PAK4: variants seen among roughly 807,000 people sequenced by gnomAD.
PAK4 encodes serine/threonine-protein kinase PAK 4.
In PAK4, 49 loss-of-function variants were observed where a neutral mutation model predicts 53.5. That is an observed-to-expected ratio of 0.92 (90% CI 0.73 to 1.16). The LOEUF (loss-of-function observed/expected upper bound fraction) is 1.16. Ranked by LOEUF, PAK4 falls within the 50% of genes most tolerant of loss-of-function variation. The probability of loss-of-function intolerance (pLI) is 0.00; values close to 1 mark genes in which losing one functional copy is unlikely to be tolerated. For synonymous variants in PAK4, 376 were observed against 375.6 expected (o/e 1.00, Z -0.01); for missense variants, 824 against 850.7 (o/e 0.97, Z 0.39).
At chr19:39,169,833 A>G in intron 2 of PAK4, 76 bp downstream of exon 3, 1 of 994,074 alleles carries the variant, frequency 1.0e-6, no homozygotes, top group Non-Finnish European at 1.4e-6. Flanking sequence ...CCCACACTCG[A>G]CCCTGTGACC....
intron 1 of PAK4, among the ~76,000 whole-genome samples, chr19:39,141,888 A>G (rs1210837323): frequency 6.6e-6 from 1 of 152,136 alleles, no homozygotes; most frequent in Non-Finnish European, 1.5e-5. Flanking sequence ...CGGCCTCCCA[A>G]AATGTTGGGA....
chr19:39,162,429 A>G (rs1335660026), intron 1 of PAK4, among the ~76,000 whole-genome samples: 1 of 151,858 alleles, frequency 6.6e-6, no homozygotes, highest in Non-Finnish European at 1.5e-5. Flanking sequence ...CTAAATTTTT[A>G]TTTATTTTTT....
rs1568516179 is a variant in PAK4 at position 39,161,688 on chromosome 19, C to CGAG, written c.-22-7843_-22-7842insAGG. Among the ~76,000 whole-genome samples, 1 of 152,004 alleles carries CGAG rather than the reference C, an allele frequency of 6.6e-6. No individual in the cohort carries two copies. Among genetic ancestry groups the CGAG allele is most frequent in the Admixed American group, 6.5e-5 (1 of 15,274 alleles). ...CACTCGGGAAAGGACCAGGCCCTCC[C>CGAG]GGTGGCCCCCAAAGCCCCACACGAT... On this transcript the variant is annotated intron_variant, in intron 1 of 8. Transcript: ENST00000358301. This position sits in a 1 kb window ranked among gnomAD's most constrained non-coding sequence, Gnocchi z 4.5.
chr19:39,168,218 C>G lies in PAK4; in HGVS notation c.-22-1314C>G, dbSNP rs2074411254. ...TGAGTGAGTGAATGGATGCATTCCT[C>G]TCATTTTACAGATGAGTAACCCGAA... On this transcript the variant is annotated intron_variant, in intron 1 of 8. Transcript: ENST00000358301. The G allele has an allele frequency of 6.6e-6, 1 of 152,252 alleles. No individual in the cohort carries two copies. Among genetic ancestry groups the G allele is most frequent in the South Asian group, 2.1e-4 (1 of 4,834 alleles). 9.4% of individuals were successfully genotyped at this position (152,252 alleles called of 1,614,324 possible).
chr19:39,134,630 C>T (rs955725859), intron 1 of PAK4, among the ~76,000 whole-genome samples: 6 of 151,820 alleles, frequency 4.0e-5, no homozygotes, highest in African/African-American at 7.3e-5. Context: ...CACAGAGTCT[C>T]GCTCTGTCAC....
chr19:39,148,466 C>CTTTTTTTTTTCTTTTTTTTTTT (rs2074040220), intron 1 of PAK4, among the ~76,000 whole-genome samples: 1 of 56,784 alleles, frequency 1.8e-5, no homozygotes, highest in Non-Finnish European at 2.9e-5. Flanking sequence ...GTTTCTTCTG[C>CTTTTTTTTTTCTTTTTTTTTTT]TTTTTTTTTT....
At chr19:39,126,167 G>T (rs1458564149) in intron 1 of PAK4, among the ~76,000 whole-genome samples, 1 of 152,082 alleles carries the variant, frequency 6.6e-6, no homozygotes, top group Non-Finnish European at 1.5e-5. Context: ...GCGCGTTCGA[G>T]GGGTTCTGGG....
At chr19:39,164,417 C>T (rs953704770) in intron 1 of PAK4, among the ~76,000 whole-genome samples, 5 of 151,954 alleles carry the variant, frequency 3.3e-5, no homozygotes, top group Non-Finnish European at 5.9e-5. Context: ...CACAGGCGGG[C>T]CTGGGAAGTC....
intron 1 of PAK4, among the ~76,000 whole-genome samples, chr19:39,164,042 T>C (rs1449555367): frequency 2.0e-5 from 3 of 152,134 alleles, no homozygotes; most frequent in Non-Finnish European, 4.4e-5. Flanking sequence ...TTTGGGAGGC[T>C]GAGGCAGGTG....
At chr19:39,149,026 A>G (rs1568506905) in intron 1 of PAK4, among the ~76,000 whole-genome samples, 2 of 152,152 alleles carry the variant, frequency 1.3e-5, no homozygotes, top group Non-Finnish European at 2.9e-5. Context: ...AACAAAAATA[A>G]CAAGTGTTGG....
intron 1 of PAK4, among the ~76,000 whole-genome samples, chr19:39,153,169 C>A (rs2074120873): frequency 1.3e-5 from 2 of 152,156 alleles, no homozygotes; most frequent in Admixed American, 1.3e-4. Context: ...TATGTAGCCA[C>A]CCCTCCAGGT....
At chr19:39,131,733 G>A (rs2073715623) in intron 1 of PAK4, among the ~76,000 whole-genome samples, 2 of 152,336 alleles carry the variant, frequency 1.3e-5, no homozygotes, top group South Asian at 4.1e-4. Context: ...CCCAGGCTGG[G>A]AGGCCATCTG....
downstream of PAK4, chr19:39,179,427 G>GA (rs2074677544): frequency 1.3e-5 from 2 of 151,948 alleles, no homozygotes; most frequent in Admixed American, 6.6e-5. Context: ...ATGTGTGGGG[G>GA]GCAGGGGGCC....
At position 39,154,574 on chromosome 19, in the gene PAK4, G is replaced by C. The variant is rs182538842; in HGVS notation, c.-22-14958G>C. Among the ~76,000 whole-genome samples, 800 of 152,314 alleles carry C rather than the reference G, an allele frequency of 5.3e-3. 5 individuals are homozygous for C. Among genetic ancestry groups the C allele is most frequent in the Non-Finnish European group, 6.4e-3 (434 of 68,030 alleles). On this transcript the variant is annotated intron_variant, in intron 1 of 8. Coordinates refer to ENST00000358301, the Ensembl canonical transcript of PAK4. ...TGTGCCTGTATTACAAAGACAGAGA[G>C]AAGGAAAAGAAGGAAAAGGGGTAGA...
chr19:39,145,644 C>A (rs1278262141), intron 1 of PAK4, among the ~76,000 whole-genome samples: 1 of 152,178 alleles, frequency 6.6e-6, no homozygotes, highest in Non-Finnish European at 1.5e-5. Flanking sequence ...TGTGAAGGGG[C>A]CCTCCCTGAG....
At chr19:39,165,295 G>A (rs927890936) in intron 1 of PAK4, among the ~76,000 whole-genome samples, 1 of 143,414 alleles carries the variant, frequency 7.0e-6, no homozygotes, top group African/African-American at 2.6e-5. Context: ...GAGGTCAGGA[G>A]ATCGAGACCA....
At chr19:39,150,670 G>T (rs191165533) in intron 1 of PAK4, among the ~76,000 whole-genome samples, 6 of 152,194 alleles carry the variant, frequency 3.9e-5, no homozygotes, top group African/African-American at 9.6e-5. Context: ...TGGGCAGATG[G>T]CTTGAGCTCA....
chr19:39,152,137 A>G (rs1600349484), intron 1 of PAK4: 1 of 148,264 alleles, frequency 6.7e-6, no homozygotes, highest in African/African-American at 2.5e-5. Context: ...GTCTCCCTAT[A>G]TTGCTCAGCT....
At chr19:39,140,549 C>T (rs991742042) in intron 1 of PAK4, among the ~76,000 whole-genome samples, 14 of 152,184 alleles carry the variant, frequency 9.2e-5, no homozygotes, top group South Asian at 4.1e-4. Context: ...GACTGCCTGT[C>T]GGTCAGTAGT....
Sources: gnomAD v4.1 joint callset for allele counts (sites outside exome capture counted in the v4.1 genomes callset) on GRCh38, gnomAD v4.1.1 for gene constraint, Gnocchi (gnomAD v3.1) non-coding constraint, MANE v1.5 for transcripts, NCBI Gene and HGNC (gene_info 2026-07-23, HGNC 2026-07-21) for gene names.